Variants in RNF145 observed in about 807,000 individuals in gnomAD.
The protein encoded by RNF145 is ring finger protein 145.
Under a neutral mutation model 57.3 loss-of-function variants are expected in RNF145, and 12 were observed. The ratio of observed to expected loss-of-function variants is 0.21; its 90% CI spans 0.13 to 0.34. The LOEUF is 0.34. Among genes scored for constraint, RNF145 ranks in the 10% least tolerant of loss-of-function variants. RNF145 has a pLI of 1.00. For synonymous variants in RNF145, 262 were observed against 288.3 expected (o/e 0.91, Z 0.92); for missense variants, 429 against 799.0 (o/e 0.54, Z 5.58).
At chr5:159,159,184 A>G in intron 10 of RNF145, 149 bp from the exon 11 acceptor site, 1 of 680,766 alleles carries the variant, frequency 1.5e-6, no homozygotes, top group Non-Finnish European at 2.4e-6. Context: ...ATATATCAGT[A>G]ATAATCCTGC....
At chr5:159,195,087 T>C (rs1785412672) in intron 2 of RNF145, among the ~76,000 whole-genome samples, 3 of 152,208 alleles carry the variant, frequency 2.0e-5, no homozygotes, top group Admixed American at 2.0e-4. Context: ...CACAACTCCT[T>C]TCTTCATCTA....
intron 8 of RNF145, 142 bp from the exon 9 acceptor site, chr5:159,163,221 T>C (rs2113083821): frequency 1.3e-6 from 1 of 747,744 alleles, no homozygotes; most frequent in South Asian, 2.0e-5. Context: ...GTCACTGTAC[T>C]AGAGTTCAGA....
In RNF145 at chr5:159,203,594, C is replaced by T; in HGVS notation, c.24G>A (p.Glu8=). The change falls in exon 2 of 11, where the codon GAG becomes GAA. Residue 8 remains glutamate, a synonymous_variant. Transcript: ENST00000424310. MAAKEKL[E]AVLNVALRVP... Reference sequence around the variant, plus strand: ...CCCTCAGGGCCACATTTAACACTGCCTCCAGTTTCTCCTTTGCAGCCATGT... The same window carrying T: ...CCCTCAGGGCCACATTTAACACTGCTTCCAGTTTCTCCTTTGCAGCCATGT... The T allele has an allele frequency of 6.2e-7, 1 of 1,613,780 alleles. No homozygotes were observed.
At chr5:159,160,299 T>C (rs186757346) in intron 10 of RNF145, among the ~76,000 whole-genome samples, 6 of 152,304 alleles carry the variant, frequency 3.9e-5, no homozygotes, top group East Asian at 3.9e-4. Flanking sequence ...CTGGAGAACA[T>C]TGTTTAGCTA....
chr5:159,195,465 A>T (rs1367944739), intron 2 of RNF145, among the ~76,000 whole-genome samples: 1 of 152,106 alleles, frequency 6.6e-6, no homozygotes, highest in Non-Finnish European at 1.5e-5. Flanking sequence ...ACCATCTACA[A>T]TCCCTTTACA....
chr5:159,171,472 A>C (rs1283941904), intron 6 of RNF145, among the ~76,000 whole-genome samples: 3 of 152,176 alleles, frequency 2.0e-5, no homozygotes, highest in Non-Finnish European at 2.9e-5. Context: ...ATTTTAGAAA[A>C]AAAAATGTGG....
intron 3 of RNF145, among the ~76,000 whole-genome samples, chr5:159,187,829 C>T (rs1785135857): frequency 6.6e-6 from 1 of 152,036 alleles, no homozygotes; most frequent in Non-Finnish European, 1.5e-5. Flanking sequence ...TACTAGTATC[C>T]CTGAGAAAGA....
intron 1 of RNF145, among the ~76,000 whole-genome samples, chr5:159,204,303 T>C (rs1264100526): frequency 3.3e-5 from 5 of 151,972 alleles, no homozygotes; most frequent in African/African-American, 1.2e-4. Flanking sequence ...AATTCTTCCC[T>C]TGATACACAG....
rs772101859 is a variant in RNF145 at position 159,158,264 on chromosome 5, A to G, written c.*406T>C. 4.7e-6 allele frequency: 1 copy of G among 210,980 alleles called. No homozygotes were observed. Among genetic ancestry groups the G allele is most frequent in the South Asian group, 8.6e-5 (1 of 11,596 alleles). The allele number at this position is 210,980 out of a possible 1,614,324, so 13.1% of individuals were successfully genotyped here. A position where few individuals can be genotyped will look rare whatever the true frequency, so the allele number is the denominator to read the frequency against. ...AGATTGATCTGTCCCATGGAGAGTG[A>G]AAGTTCAGTTCCACTTCTGCCTCCT... On this transcript the variant is annotated 3_prime_UTR_variant, in exon 11 of 11. Transcript: ENST00000424310.
chr5:159,188,635 A>C (rs1785174107), intron 3 of RNF145, among the ~76,000 whole-genome samples: 3 of 152,214 alleles, frequency 2.0e-5, no homozygotes, highest in African/African-American at 4.8e-5. Flanking sequence ...AATTTTAAAA[A>C]TTTTAAACTG....
intron 8 of RNF145, among the ~76,000 whole-genome samples, chr5:159,168,102 A>C (rs1562050572): frequency 1.3e-5 from 2 of 152,178 alleles, no homozygotes; most frequent in Non-Finnish European, 2.9e-5. Flanking sequence ...TACAATAAAA[A>C]GACTGTATCT....
At chr5:159,193,659 C>A (rs1329593963) in intron 3 of RNF145, among the ~76,000 whole-genome samples, 3 of 152,184 alleles carry the variant, frequency 2.0e-5, no homozygotes, top group African/African-American at 7.2e-5. Flanking sequence ...AATGCCTTTA[C>A]ATTTTCTGTA....
At chr5:159,161,084 C>A in intron 10 of RNF145, 182 bp downstream of exon 10, 1 of 533,498 alleles carries the variant, frequency 1.9e-6, no homozygotes, top group Non-Finnish European at 3.3e-6. Context: ...AAATTTAAAA[C>A]TTAATTTAGA....
intron 4 of RNF145, among the ~76,000 whole-genome samples, chr5:159,180,431 G>A (rs918126932): frequency 1.1e-4 from 16 of 151,868 alleles, no homozygotes; most frequent in Admixed American, 1.3e-4. Context: ...ACAGACTTTC[G>A]GGGCCACTGT....
intron 7 of RNF145, 105 bp from the exon 8 acceptor site, chr5:159,169,160 A>T: frequency 1.1e-6 from 1 of 934,148 alleles, no homozygotes; most frequent in Admixed American, 3.1e-5. Flanking sequence ...ATATTTTTAA[A>T]TCTATTCTGA....
chr5:159,187,528 T>C (rs553678137), intron 3 of RNF145, among the ~76,000 whole-genome samples: 140 of 151,998 alleles, frequency 9.2e-4, no homozygotes, highest in Non-Finnish European at 1.6e-3. Context: ...GGGGTTTCAC[T>C]ATGTTGGCCA....
intron 3 of RNF145, among the ~76,000 whole-genome samples, chr5:159,194,409 T>C (rs1448489778): frequency 6.6e-6 from 1 of 152,140 alleles, no homozygotes; most frequent in African/African-American, 2.4e-5. Flanking sequence ...TGACCTGAGG[T>C]GATCCACCCG....
intron 1 of RNF145, among the ~76,000 whole-genome samples, chr5:159,206,199 A>T (rs1413681096): frequency 6.6e-6 from 1 of 152,190 alleles, no homozygotes; most frequent in Non-Finnish European, 1.5e-5. Context: ...TCAACTCGAG[A>T]CTGAAATGTT....
chr5:159,190,215 G>A (rs1785240697), intron 3 of RNF145, among the ~76,000 whole-genome samples: 1 of 152,032 alleles, frequency 6.6e-6, no homozygotes. Context: ...TTAATTTTTT[G>A]TAGAGAAGGG....
Sources: gnomAD v4.1 joint callset for allele counts (sites outside exome capture counted in the v4.1 genomes callset) on GRCh38, gnomAD v4.1.1 for gene constraint, MANE v1.5 for transcripts, NCBI Gene and HGNC (gene_info 2026-07-23, HGNC 2026-07-21) for gene names.